Variants in TTYH3 observed in about 807,000 individuals in gnomAD.
TTYH3 encodes the protein protein tweety homolog 3.
In TTYH3, 23 loss-of-function variants were observed where a neutral mutation model predicts 68.2. The ratio of observed to expected loss-of-function variants is 0.34; its 90% confidence interval spans 0.24 to 0.48. The LOEUF (loss-of-function observed/expected upper bound fraction) is 0.48. Among genes scored for constraint, TTYH3 ranks in the 20% least tolerant of loss-of-function variants. The probability of loss-of-function intolerance (pLI) is 0.99; values close to 1 mark genes in which losing one functional copy is unlikely to be tolerated. For synonymous variants in TTYH3, 360 were observed against 332.8 expected (o/e 1.08, Z -0.89); for missense variants, 768 against 727.7 (o/e 1.06, Z -0.64).
At chr7:2,641,917 G>A (rs373192144) in intron 1 of TTYH3, among the ~76,000 whole-genome samples, 4 of 152,368 alleles carry the variant, frequency 2.6e-5, no homozygotes, top group East Asian at 1.9e-4. Context: ...CTGCATGCTC[G>A]CAGTGGTGGG....
At chr7:2,636,693 G>GTCCACTCAGGA (rs1200628205) in intron 1 of TTYH3, among the ~76,000 whole-genome samples, 1 of 152,180 alleles carries the variant, frequency 6.6e-6, no homozygotes, top group African/African-American at 2.4e-5. Context: ...GCTGGTCCCA[G>GTCCACTCAGGA]TCCACTCAGG....
At chr7:2,648,130 C>T (rs1258688232) in intron 5 of TTYH3, 76 bp downstream of exon 5, 6 of 1,381,624 alleles carry the variant, frequency 4.3e-6, no homozygotes, top group African/African-American at 2.8e-5. Context: ...CCCCTTCCCC[C>T]ACCTCATCTG....
At chr7:2,647,832 C>T (rs1786042127) in intron 4 of TTYH3, 127 bp from the exon 5 acceptor site, 2 of 1,186,830 alleles carry the variant, frequency 1.7e-6, no homozygotes, top group Non-Finnish European at 2.4e-6. Context: ...GTCCCCATGA[C>T]CCAGACGCTC....
chr7:2,652,187 A>G lies in TTYH3; in HGVS notation c.872A>G (p.Asp291Gly). Residue 291 changes from aspartate to glycine, a missense_variant and splice_region_variant, in exon 8 of 14, where the codon GAC becomes GGC. Physicochemically the swap from Asp to Gly is moderately conservative, Grantham distance 94. Transcript: ENST00000258796. ...MVEEYSVLSG[D>G]ILQYYLACSP... ...AGCCTTCCCTGATGTCTCTCCGCAG[A>G]CATCCTGCAGTACTACCTGGCCTGC... is the stretch of plus-strand genomic sequence containing the variant. 6.2e-7 allele frequency: 1 copy of G among 1,613,430 alleles called. No homozygotes were observed. Among genetic ancestry groups the G allele is most frequent in the South Asian group, 1.1e-5 (1 of 91,078 alleles).
chr7:2,644,939 A>AG (rs1177605325), intron 1 of TTYH3, among the ~76,000 whole-genome samples: 1 of 152,176 alleles, frequency 6.6e-6, no homozygotes, highest in South Asian at 2.1e-4. Context: ...TCTCATCCCA[A>AG]GGGGGGGCCA....
chr7:2,634,606 T>C (rs1583552164), intron 1 of TTYH3, among the ~76,000 whole-genome samples: 1 of 148,276 alleles, frequency 6.7e-6, no homozygotes, highest in Admixed American at 6.7e-5. Context: ...GAGTTGGGGG[T>C]GTGGCACGGG....
rs1562703810 is a variant in TTYH3, at chr7:2,632,196, T to A, written c.41T>A (p.Leu14His). The A allele has an allele frequency of 6.4e-7, 1 of 1,555,496 alleles. No individual in the cohort carries two copies. The highest frequency in any genetic ancestry group is 1.2e-5 in the South Asian group (1 of 84,506). ...TACGCGGCGCCCTGGTGGGTGAGCCTCCTGCACCGGCTGCCCCACTTCGAC... is the reference window on the plus strand; with the variant it reads ...TACGCGGCGCCCTGGTGGGTGAGCCACCTGCACCGGCTGCCCCACTTCGAC... ...VSYAAPWWVSLLHRLPHFDLS... is the reference protein window; with the variant it reads ...VSYAAPWWVSHLHRLPHFDLS... Residue 14 changes from leucine to histidine, a missense_variant, in exon 1 of 14, where the codon CTC (leucine) becomes CAC (histidine). Transcript: ENST00000258796.
chr7:2,656,719 T>G (rs763574360), intron 11 of TTYH3, among the ~76,000 whole-genome samples, 185 bp downstream of exon 11: 12 of 152,146 alleles, frequency 7.9e-5, no homozygotes, highest in Non-Finnish European at 1.3e-4. Context: ...CAGGTGAGCA[T>G]CATCATTTCA....
chr7:2,658,529 G>C, intron 12 of TTYH3, 70 bp downstream of exon 12: 1 of 1,518,922 alleles, frequency 6.6e-7, no homozygotes, highest in Admixed American at 2.0e-5. Flanking sequence ...ATCTGGGCTG[G>C]GGCTAGCTCG....
At position 2,632,247 on chromosome 7, in the gene TTYH3, A is replaced by G. The variant is rs375791974; in HGVS notation, c.92A>G (p.Gln31Arg). 14 of 1,588,054 alleles carry G rather than the reference A, an allele frequency of 8.8e-6. No homozygotes were observed. The highest frequency in any genetic ancestry group is 1.3e-5 in the African/African-American group (1 of 74,324). Residue 31 changes from glutamine to arginine, a missense_variant, in exon 1 of 14, where the codon CAG becomes CGG. Coordinates refer to ENST00000258796, the MANE Select transcript of TTYH3 (RefSeq NM_025250.3). ...FDLSWEATSSQFRPEDTDYQQ... is the reference protein window; with the variant it reads ...FDLSWEATSSRFRPEDTDYQQ... ...CTGAGCTGGGAGGCCACTAGCAGCC[A>G]GTTCCGGCCCGAGGACACCGACTAC...
intron 11 of TTYH3, among the ~76,000 whole-genome samples, chr7:2,656,772 G>T (rs149683069): frequency 1.1e-3 from 164 of 152,326 alleles, no homozygotes; most frequent in African/African-American, 3.7e-3. Flanking sequence ...CTGGGTTGCA[G>T]GAGTCCAGAG....
chr7:2,660,956 A>T (rs1429007892), intron 13 of TTYH3, among the ~76,000 whole-genome samples: 1 of 152,166 alleles, frequency 6.6e-6, no homozygotes, highest in East Asian at 1.9e-4. Flanking sequence ...TCCTGCCTGG[A>T]CGAGGGCACC....
intron 13 of TTYH3, among the ~76,000 whole-genome samples, chr7:2,659,365 C>T (rs1298066095): frequency 6.6e-6 from 1 of 152,172 alleles, no homozygotes; most frequent in Non-Finnish European, 1.5e-5. Flanking sequence ...CCACTGTGGC[C>T]CTCCCAGCTT....
chr7:2,632,048 T>C lies in TTYH3; in HGVS notation c.-108T>C, dbSNP rs1785533511. The C allele has an allele frequency of 9.6e-7, 1 of 1,037,390 alleles. No individual in the cohort carries two copies. 64.3% of individuals were successfully genotyped at this position (1,037,390 alleles called of 1,614,324 possible). The stretch of plus-strand genomic sequence containing the variant: ...CGGGCCGGGCCCAGGAGCGCGCGGA[T>C]GATGCGGGCGGCCAGGCGGGGGTCG... On this transcript the variant is annotated 5_prime_UTR_variant, in exon 1 of 14. It removes an upstream start codon present in the reference 5' UTR. Coordinates refer to ENST00000258796, the MANE Select transcript of TTYH3 (RefSeq NM_025250.3).
chr7:2,646,951 G>T lies in TTYH3; in HGVS notation c.222G>T (p.Lys74Asn), dbSNP rs1256583385. 6.2e-7 allele frequency: 1 copy of T among 1,600,102 alleles called. No individual in the cohort carries two copies. The highest frequency in any genetic ancestry group is 1.7e-5 in the Admixed American group (1 of 59,504). Residue 74 changes from lysine (K) to asparagine (N), a missense_variant, in exon 2 of 14, where the codon AAG becomes AAT. Transcript: ENST00000258796. ...YSFWLCCRRR[K>N]SEEHLDADCC... is the part of the protein sequence containing the mutation. ...TCTGGCTGTGCTGCCGGCGGCGCAAGAGCGAGGAGCACCTGGACGCCGACT... is the reference window on the plus strand; with the variant it reads ...TCTGGCTGTGCTGCCGGCGGCGCAATAGCGAGGAGCACCTGGACGCCGACT...
Position 2,647,222 on chromosome 7 carries a change from C to G in TTYH3, c.374C>G (p.Ala125Gly), listed in dbSNP as rs747817938. ...AGGGCCACCTACTCGCTCCGCCACGCCAACCGCACGGTGGCCGGGGTCCAG... is the reference window on the plus strand; with the variant it reads ...AGGGCCACCTACTCGCTCCGCCACGGCAACCGCACGGTGGCCGGGGTCCAG... ...IHRATYSLRHANRTVAGVQDR... is the reference protein window; with the variant it reads ...IHRATYSLRHGNRTVAGVQDR... Residue 125 changes from alanine (A) to glycine (G), a missense_variant, in exon 3 of 14, where the codon GCC becomes GGC. By Grantham distance (60) the Ala-to-Gly change is moderately conservative. Transcript: ENST00000258796. 9 of 1,600,442 alleles carry G rather than the reference C, an allele frequency of 5.6e-6. No homozygotes were observed. Among genetic ancestry groups the G allele is most frequent in the Non-Finnish European group, 7.7e-6 (9 of 1,176,026 alleles).
chr7:2,641,905 C>T (rs1399249158), intron 1 of TTYH3, among the ~76,000 whole-genome samples: 3 of 152,360 alleles, frequency 2.0e-5, no homozygotes, highest in African/African-American at 7.2e-5. Context: ...GACACCCAGG[C>T]TCTGCATGCT....
intron 1 of TTYH3, among the ~76,000 whole-genome samples, chr7:2,632,481 C>A (rs1017879551): frequency 6.6e-6 from 1 of 152,038 alleles, no homozygotes; most frequent in African/African-American, 2.4e-5. Flanking sequence ...CTTCCAGGGT[C>A]ATGGCCTCCT....
rs1480469788 is a variant in TTYH3 at position 2,632,020 on chromosome 7, G to A, written c.-136G>A. 8.8e-5 allele frequency: 63 copies of A among 713,026 alleles called. No individual in the cohort carries two copies. The highest frequency in any genetic ancestry group is 1.1e-4 in the Non-Finnish European group (60 of 563,012). The allele number at this position is 713,026 out of a possible 1,614,324, so 44.2% of individuals were successfully genotyped here. A position where few individuals can be genotyped will look rare whatever the true frequency, so the allele number is the denominator to read the frequency against. On this transcript the variant is annotated 5_prime_UTR_variant, in exon 1 of 14. Coordinates refer to ENST00000258796, the MANE Select transcript of TTYH3 (RefSeq NM_025250.3). ...AGCGCAGCCGAGCCGGGCCGAGCCG[G>A]GCCGGGCCGGGCCCAGGAGCGCGCG... is the stretch of plus-strand genomic sequence containing the variant.
Sources: gnomAD v4.1 joint callset for allele counts (sites outside exome capture counted in the v4.1 genomes callset) on GRCh38, gnomAD v4.1.1 for gene constraint, MANE v1.5 for transcripts, NCBI Gene and HGNC (gene_info 2026-07-23, HGNC 2026-07-21) for gene names.